Variants in IL1RAPL2 observed in about 807,000 individuals in gnomAD.
IL1RAPL2 encodes the protein interleukin 1 receptor accessory protein like 2.
IL1RAPL2 carries 3 observed loss-of-function variants against 44.1 expected under a neutral mutation model. That is an observed-to-expected ratio of 0.07 (90% CI 0.03 to 0.18). The LOEUF (loss-of-function observed/expected upper bound fraction) is 0.18, where lower values mean the gene tolerates loss of function less well. Ranked by LOEUF, IL1RAPL2 falls within the 10% of genes least tolerant of loss-of-function variation. The probability of loss-of-function intolerance (pLI) is 1.00; values close to 1 mark genes in which losing one functional copy is unlikely to be tolerated. For synonymous variants in IL1RAPL2, 181 were observed against 178.8 expected, an observed-to-expected ratio of 1.01 and a Z score of -0.10; for missense variants, 391 against 496.4, an observed-to-expected ratio of 0.79 and a Z score of 2.02.
chrX:105,526,673 G>A (rs775704216), intron 6 of IL1RAPL2, among the ~76,000 whole-genome samples: 23 of 111,462 alleles, frequency 2.1e-4, no homozygotes, highest in Non-Finnish European at 4.0e-4. Flanking sequence ...AAAGGACTCT[G>A]GCATTTTGGC....
intron 4 of IL1RAPL2, among the ~76,000 whole-genome samples, chrX:105,264,240 C>T (rs2034383798): frequency 9.0e-6 from 1 of 111,012 alleles, no homozygotes; most frequent in African/African-American, 3.3e-5. Context: ...GGCACTCATT[C>T]TCTCTCCTGC....
intron 2 of IL1RAPL2, among the ~76,000 whole-genome samples, chrX:105,069,285 T>C (rs774106185): frequency 3.5e-4 from 40 of 112,893 alleles, no homozygotes; most frequent in Non-Finnish European, 6.6e-4. Flanking sequence ...AAATCCACTT[T>C]ACATTTATAA....
At chrX:104,891,502 G>T (rs1298341798) in intron 2 of IL1RAPL2, among the ~76,000 whole-genome samples, 2 of 111,489 alleles carry the variant, frequency 1.8e-5, no homozygotes, top group Non-Finnish European at 3.8e-5. Flanking sequence ...CCTTGAAGAG[G>T]TCCTTCACAT....
intron 2 of IL1RAPL2, among the ~76,000 whole-genome samples, chrX:104,684,382 T>C (rs1569296787): frequency 1.8e-5 from 2 of 112,135 alleles, no homozygotes; most frequent in Non-Finnish European, 3.8e-5. Context: ...AACTAGTAAG[T>C]TGGCTCTAGC....
chrX:104,947,163 C>T (rs1925403065), intron 2 of IL1RAPL2, among the ~76,000 whole-genome samples: 2 of 112,050 alleles, frequency 1.8e-5, no homozygotes, highest in Non-Finnish European at 3.8e-5. Context: ...TCTCTGATGG[C>T]CAGTGATGAT....
At chrX:104,679,258 A>G (rs749125522) in intron 2 of IL1RAPL2, among the ~76,000 whole-genome samples, 4 of 111,885 alleles carry the variant, frequency 3.6e-5, no homozygotes, top group Non-Finnish European at 7.5e-5. Flanking sequence ...TGATTAAAAA[A>G]ATAAACAGGA....
chrX:104,849,232 A>G lies in IL1RAPL2; in HGVS notation c.82+190237A>G, dbSNP rs754052337. ...TTTTGTAGAGATGGGATTTCTCTAC[A>G]TGTTGCCCAGGCTGGCCACGTTGCC... On this transcript the variant is annotated intron_variant, in intron 2 of 10. Coordinates refer to ENST00000372582, the MANE Select transcript of IL1RAPL2 (RefSeq NM_017416.2). 1.2e-3 allele frequency among the ~76,000 whole-genome samples: 130 copies of G among 106,128 alleles called. 1 individual carries two copies. Among genetic ancestry groups the G allele is most frequent in the Non-Finnish European group, 2.0e-3 (101 of 51,322 alleles). 92.2% of individuals were successfully genotyped at this position (106,128 alleles called of 115,157 possible).
chrX:104,716,150 C>T (rs989029294), intron 2 of IL1RAPL2, among the ~76,000 whole-genome samples: 5 of 110,860 alleles, frequency 4.5e-5, no homozygotes, highest in African/African-American at 9.8e-5. Flanking sequence ...ATCTGATCTT[C>T]GACAAACTTA....
rs146019849 is a variant in IL1RAPL2 at position 104,910,362 on chromosome X, C to T, written c.82+251367C>T. ...GTAGACTGGAGCTGTTCCTATTCGT[C>T]CATCTTGGCTCCTCTCTAAATTATT... On this transcript the variant is annotated intron_variant, in intron 2 of 10. Transcript: ENST00000372582. Among the ~76,000 whole-genome samples, 633 of 112,299 alleles carry T rather than the reference C, an allele frequency of 5.6e-3. 3 individuals carry two copies. The highest frequency in any genetic ancestry group is 0.019 in the African/African-American group (603 of 30,943).
chrX:105,045,142 G>A (rs1304359415), intron 2 of IL1RAPL2, among the ~76,000 whole-genome samples: 2 of 110,945 alleles, frequency 1.8e-5, no homozygotes, highest in East Asian at 5.7e-4. Flanking sequence ...AAAAAAATGA[G>A]CCAATTAATG....
intron 2 of IL1RAPL2, among the ~76,000 whole-genome samples, chrX:104,764,598 A>G (rs974332563): frequency 8.9e-6 from 1 of 111,849 alleles, no homozygotes; most frequent in Non-Finnish European, 1.9e-5. Context: ...TATGTTGAAT[A>G]ACAGTGGTGA....
intron 2 of IL1RAPL2, among the ~76,000 whole-genome samples, chrX:105,180,356 C>CA (rs1310886856): frequency 2.5e-3 from 244 of 98,951 alleles, no homozygotes; most frequent in East Asian, 8.0e-3. Flanking sequence ...AAAACAAAAA[C>CA]AAAAAAAAAA....
At chrX:105,410,345 A>G (rs1168480650) in intron 5 of IL1RAPL2, among the ~76,000 whole-genome samples, 1 of 109,872 alleles carries the variant, frequency 9.1e-6, no homozygotes, top group Non-Finnish European at 1.9e-5. Context: ...AAGAGAGACT[A>G]TAGGAGGAGG....
intron 6 of IL1RAPL2, among the ~76,000 whole-genome samples, chrX:105,532,141 A>G (rs1184935032): frequency 1.8e-5 from 2 of 111,931 alleles, no homozygotes. Flanking sequence ...TTTTGAAACC[A>G]TGGGATATGG....
rs782611346 is a variant in IL1RAPL2 at position 105,193,873 on chromosome X, T to C, written c.83-1602T>C. Among the ~76,000 whole-genome samples, 84 of 111,920 alleles carry C rather than the reference T, an allele frequency of 7.5e-4. 1 individual carries two copies. The highest frequency in any genetic ancestry group is 2.6e-3 in the African/African-American group (81 of 30,804). Reference sequence around the variant, plus strand: ...TTATTTATTTGTTTGTTTGTTTATTTCTAATGAATACTTCACATACTATAA... The same window carrying C: ...TTATTTATTTGTTTGTTTGTTTATTCCTAATGAATACTTCACATACTATAA... On this transcript the variant is annotated intron_variant, in intron 2 of 10. Transcript: ENST00000372582.
intron 5 of IL1RAPL2, among the ~76,000 whole-genome samples, chrX:105,472,703 T>A (rs917740455): frequency 9.0e-6 from 1 of 111,627 alleles, no homozygotes; most frequent in African/African-American, 3.3e-5. Flanking sequence ...ATTAATTAAA[T>A]TAGTTCTCAT....
At chrX:104,722,051 C>T (rs1377839576) in intron 2 of IL1RAPL2, among the ~76,000 whole-genome samples, 3 of 111,012 alleles carry the variant, frequency 2.7e-5, no homozygotes, top group Non-Finnish European at 3.8e-5. Context: ...TTGTTTAGTG[C>T]CCTGCCCATT....
intron 3 of IL1RAPL2, among the ~76,000 whole-genome samples, chrX:105,222,643 T>G (rs2033976426): frequency 9.0e-6 from 1 of 111,498 alleles, no homozygotes; most frequent in African/African-American, 3.3e-5. Context: ...AGAAGTAAAC[T>G]AAAGCAGTGG....
chrX:104,859,948 T>C (rs772693423), intron 2 of IL1RAPL2, among the ~76,000 whole-genome samples: 52 of 112,128 alleles, frequency 4.6e-4, no homozygotes, highest in Non-Finnish European at 1.1e-4. Context: ...ATTTTTAATC[T>C]TTGCATTTTC....
Sources: allele counts gnomAD v4.1 joint callset (sites outside exome capture counted in the v4.1 genomes callset), GRCh38; gene constraint gnomAD v4.1.1; transcripts MANE v1.5; gene names NCBI Gene and HGNC (gene_info 2026-07-23, HGNC 2026-07-21).